The following TAS2R1 variants were observed in gnomAD, a reference collection of about 807,000 sequenced individuals.
The protein encoded by TAS2R1 is taste receptor type 2 member 1.
For missense variants in TAS2R1, 370 were observed against 353.4 expected (o/e 1.05, Z -0.38); for synonymous variants, 141 against 134.2 (o/e 1.05, Z -0.35).
At chr5:9,683,865 C>A (rs1352652475) in intron 1 of TAS2R1, among the ~76,000 whole-genome samples, 1 of 152,176 alleles carries the variant, frequency 6.6e-6, no homozygotes, top group Non-Finnish European at 1.5e-5. Context: ...TGATCTTTTT[C>A]CAATGTCAGC....
chr5:9,687,501 C>T (rs1319348630), intron 1 of TAS2R1, among the ~76,000 whole-genome samples: 2 of 152,036 alleles, frequency 1.3e-5, no homozygotes, highest in East Asian at 3.9e-4. Flanking sequence ...CCCCTCTGAC[C>T]ATTCGCCCCA....
intron 2 of TAS2R1, among the ~76,000 whole-genome samples, chr5:9,652,761 A>T (rs1004901372): frequency 6.6e-6 from 1 of 152,184 alleles, no homozygotes; most frequent in Non-Finnish European, 1.5e-5. Context: ...AATTTTTATA[A>T]ACATATGTAT....
chr5:9,860,487 TAAC>T, the TAS2R1 span, among the ~76,000 whole-genome samples: 1 of 152,086 alleles, frequency 6.6e-6, no homozygotes, highest in African/African-American at 2.4e-5. Flanking sequence ...AAATAGGAAA[TAAC>T]AAGCTAAAGA....
chr5:9,733,551 A>G, the TAS2R1 span, among the ~76,000 whole-genome samples: 1 of 152,236 alleles, frequency 6.6e-6, no homozygotes, highest in Non-Finnish European at 1.5e-5. Context: ...GACAAGAGGT[A>G]TCACTGGGGA....
At chr5:9,672,345 C>G (rs1050803408) in intron 1 of TAS2R1, among the ~76,000 whole-genome samples, 1 of 151,890 alleles carries the variant, frequency 6.6e-6, no homozygotes, top group Non-Finnish European at 1.5e-5. Flanking sequence ...GAGTAAAAGA[C>G]AACCTACAGA....
the TAS2R1 span, among the ~76,000 whole-genome samples, chr5:9,808,739 T>C: frequency 3.9e-5 from 6 of 152,124 alleles, no homozygotes; most frequent in Non-Finnish European, 5.9e-5. Flanking sequence ...GGGAAGATGA[T>C]TCAGAGATTA....
At chr5:9,767,778 G>A in the TAS2R1 span, among the ~76,000 whole-genome samples, 1 of 152,062 alleles carries the variant, frequency 6.6e-6, no homozygotes, top group African/African-American at 2.4e-5. Flanking sequence ...TACAAAAACT[G>A]GCTGGCATGG....
chr5:9,670,159 G>T (rs976794516), intron 1 of TAS2R1, among the ~76,000 whole-genome samples: 3 of 152,066 alleles, frequency 2.0e-5, no homozygotes, highest in African/African-American at 7.2e-5. Context: ...AGAGGAAATA[G>T]ATAAACTCCT....
chr5:9,761,732 G>A, the TAS2R1 span, among the ~76,000 whole-genome samples: 1 of 152,114 alleles, frequency 6.6e-6, no homozygotes, highest in African/African-American at 2.4e-5. Flanking sequence ...CAAATGCAAG[G>A]GTTGCAAGAG....
the TAS2R1 span, among the ~76,000 whole-genome samples, chr5:9,775,874 G>A: frequency 1.3e-5 from 2 of 152,160 alleles, no homozygotes; most frequent in Admixed American, 1.3e-4. Flanking sequence ...TAAATAAAAA[G>A]GAATCTCTCC....
chr5:9,629,836 T>C lies in TAS2R1; in HGVS notation c.197A>G (p.Asn66Ser). 1 of 1,613,750 alleles carries C rather than the reference T, an allele frequency of 6.2e-7. No homozygotes were observed. Among genetic ancestry groups the C allele is most frequent in the Non-Finnish European group, 8.5e-7 (1 of 1,179,920 alleles). ...IFLQLFIFYV[N>S]VIVIFFIEFI... ...TTCTATGAAGAAGATAACAATCACATTAACGTAGAAGATGAACAACTGCAG... is the reference window on the plus strand; with the variant it reads ...TTCTATGAAGAAGATAACAATCACACTAACGTAGAAGATGAACAACTGCAG... The change falls in exon 1 of 1, where the codon AAT becomes AGT. Residue 66 changes from asparagine (N) to serine (S), a missense_variant. Asn to Ser is a conservative substitution (Grantham distance 46, BLOSUM62 1). Coordinates refer to ENST00000382492, the MANE Select transcript of TAS2R1 (RefSeq NM_019599.3).
chr5:9,763,176 T>C, the TAS2R1 span, among the ~76,000 whole-genome samples: 3 of 152,134 alleles, frequency 2.0e-5, no homozygotes, highest in Admixed American at 6.5e-5. Context: ...AGAAGTAGAA[T>C]CAAGAAAGTT....
the TAS2R1 span, among the ~76,000 whole-genome samples, chr5:9,770,172 T>G: frequency 1.3e-5 from 2 of 152,190 alleles, no homozygotes; most frequent in African/African-American, 4.8e-5. Context: ...AGATTATCCT[T>G]TCACCAATGT....
the TAS2R1 span, among the ~76,000 whole-genome samples, chr5:9,887,957 A>C: frequency 6.6e-6 from 1 of 151,898 alleles, no homozygotes; most frequent in South Asian, 2.1e-4. Context: ...CCACAGGAGC[A>C]CTCCCATCAA....
chr5:9,837,410 T>C, the TAS2R1 span, among the ~76,000 whole-genome samples: 1 of 152,214 alleles, frequency 6.6e-6, no homozygotes, highest in East Asian at 1.9e-4. Context: ...TCCAGGAATG[T>C]TTTAATCCGC....
At chr5:9,786,969 C>T in the TAS2R1 span, among the ~76,000 whole-genome samples, 9 of 152,224 alleles carry the variant, frequency 5.9e-5, no homozygotes, top group South Asian at 2.1e-4. Context: ...TAAATGAATC[C>T]TGCACTTTCT....
At chr5:9,869,882 T>C in the TAS2R1 span, among the ~76,000 whole-genome samples, 1 of 152,244 alleles carries the variant, frequency 6.6e-6, no homozygotes, top group Non-Finnish European at 1.5e-5. Context: ...GCGTGATCTT[T>C]GGGATTTCTC....
the TAS2R1 span, among the ~76,000 whole-genome samples, chr5:9,869,677 A>G: frequency 3.4e-4 from 52 of 152,234 alleles, no homozygotes; most frequent in African/African-American, 1.2e-3. Flanking sequence ...TTGCTGAGGT[A>G]ATTAAGTGCA....
chr5:9,861,107 A>G, the TAS2R1 span, among the ~76,000 whole-genome samples: 1 of 143,200 alleles, frequency 7.0e-6, no homozygotes, highest in African/African-American at 2.6e-5. Context: ...CTAGTGACCA[A>G]TATTTAAAAC....
Sources: allele counts gnomAD v4.1 joint callset (sites outside exome capture counted in the v4.1 genomes callset), GRCh38; gene constraint gnomAD v4.1.1; transcripts MANE v1.5; gene names NCBI Gene and HGNC (gene_info 2026-07-23, HGNC 2026-07-21).